Variants in CHST9 observed in about 807,000 individuals in gnomAD.
The protein encoded by CHST9 is carbohydrate sulfotransferase 9.
Under a neutral mutation model 44.4 loss-of-function variants are expected in CHST9, and 41 were observed. That is an observed-to-expected ratio of 0.92 (90% CI 0.72 to 1.20). The LOEUF (loss-of-function observed/expected upper bound fraction) is 1.20. CHST9 is among the 50% of genes most tolerant of loss of function. The probability of loss-of-function intolerance (pLI) is 0.00; values close to 1 mark genes in which losing one functional copy is unlikely to be tolerated. For missense variants in CHST9, 504 were observed against 516.5 expected (o/e 0.98, Z 0.23); for synonymous variants, 171 against 178.4 (o/e 0.96, Z 0.33).
chr18:27,103,401 C>T (rs539612958), intron 2 of CHST9, among the ~76,000 whole-genome samples: 1 of 152,300 alleles, frequency 6.6e-6, no homozygotes, highest in African/African-American at 2.4e-5. Context: ...TTAGCCTCAT[C>T]CCTGGCCTCA....
intron 1 of CHST9, among the ~76,000 whole-genome samples, chr18:27,149,033 T>G (rs2058638332): frequency 7.6e-6 from 1 of 131,536 alleles, no homozygotes; most frequent in African/African-American, 2.7e-5. Flanking sequence ...TTTTCATGTG[T>G]TTTTTGGCTG....
intron 2 of CHST9, among the ~76,000 whole-genome samples, chr18:27,059,620 C>G (rs924364546): frequency 6.6e-6 from 1 of 152,116 alleles, no homozygotes; most frequent in Non-Finnish European, 1.5e-5. Context: ...CACAATCCTG[C>G]CTAGATTTTC....
chr18:26,971,102 C>G (rs2056536856), intron 4 of CHST9, among the ~76,000 whole-genome samples: 1 of 152,152 alleles, frequency 6.6e-6, no homozygotes, highest in Admixed American at 6.5e-5. Flanking sequence ...CACAGTGGAG[C>G]AGATGATTCT....
intron 1 of CHST9, among the ~76,000 whole-genome samples, chr18:27,168,759 C>A (rs1253740185): frequency 6.6e-6 from 1 of 151,842 alleles, no homozygotes; most frequent in African/African-American, 2.4e-5. Flanking sequence ...CAAACAAGAC[C>A]TATAATTCAC....
chr18:26,920,213 C>T (rs181696846), intron 5 of CHST9, among the ~76,000 whole-genome samples: 391 of 152,302 alleles, frequency 2.6e-3, no homozygotes, highest in South Asian at 7.1e-3. Flanking sequence ...ACTATTCCCA[C>T]CATCTTTCTG....
chr18:27,172,868 A>T (rs1380429367), intron 1 of CHST9, among the ~76,000 whole-genome samples: 1 of 152,024 alleles, frequency 6.6e-6, no homozygotes, highest in Non-Finnish European at 1.5e-5. Context: ...GTATGTTAAG[A>T]TATAAGAAGA....
intron 2 of CHST9, among the ~76,000 whole-genome samples, chr18:27,084,842 AT>A (rs1445260016): frequency 6.6e-6 from 1 of 151,954 alleles, no homozygotes; most frequent in Admixed American, 6.6e-5. Context: ...AGATACTAGT[AT>A]GCTGTATCTC....
chr18:27,045,185 C>T (rs1312440803), intron 3 of CHST9, among the ~76,000 whole-genome samples: 1 of 151,916 alleles, frequency 6.6e-6, no homozygotes, highest in Admixed American at 6.6e-5. Context: ...TTCTCTGGTC[C>T]ACTAGGGCTA....
At chr18:26,918,694 G>T (rs1263503151) in intron 5 of CHST9, among the ~76,000 whole-genome samples, 1 of 152,070 alleles carries the variant, frequency 6.6e-6, no homozygotes, top group African/African-American at 2.4e-5. Context: ...AGCAAATTAA[G>T]CAATAGAACA....
At chr18:27,182,952 C>T (rs1040591367) in intron 1 of CHST9, among the ~76,000 whole-genome samples, 2 of 152,162 alleles carry the variant, frequency 1.3e-5, no homozygotes. Flanking sequence ...GAAGATGTTA[C>T]ATTCTCCTGG....
chr18:26,917,892 A>T, intron 5 of CHST9, among the ~76,000 whole-genome samples: 1 of 151,410 alleles, frequency 6.6e-6, no homozygotes, highest in Non-Finnish European at 1.5e-5. Context: ...TTTTCCTGGG[A>T]AAATGTTTTA....
At chr18:27,008,119 ACTCCTC>A (rs1330200920) in intron 4 of CHST9, among the ~76,000 whole-genome samples, 1 of 152,026 alleles carries the variant, frequency 6.6e-6, no homozygotes, top group Non-Finnish European at 1.5e-5. Context: ...AGGTGGGTCC[ACTCCTC>A]CCTTGTAACA....
intron 2 of CHST9, among the ~76,000 whole-genome samples, chr18:27,097,429 C>T (rs2058127911): frequency 6.6e-6 from 1 of 151,946 alleles, no homozygotes; most frequent in Admixed American, 6.6e-5. Context: ...AAAAAACATC[C>T]AAATAGGAAA....
At chr18:27,006,176 C>T (rs950674365) in intron 4 of CHST9, among the ~76,000 whole-genome samples, 1 of 152,108 alleles carries the variant, frequency 6.6e-6, no homozygotes, top group Non-Finnish European at 1.5e-5. Flanking sequence ...CTGATGTAAT[C>T]AGAAAAATAG....
chr18:27,138,240 A>G (rs1332699408), intron 2 of CHST9, among the ~76,000 whole-genome samples: 1 of 152,206 alleles, frequency 6.6e-6, no homozygotes, highest in Non-Finnish European at 1.5e-5. Flanking sequence ...AAAGGATTAT[A>G]TCTGGCTCAC....
intron 2 of CHST9, among the ~76,000 whole-genome samples, chr18:27,140,952 A>C (rs919142210): frequency 3.3e-5 from 5 of 152,138 alleles, no homozygotes; most frequent in African/African-American, 1.2e-4. Flanking sequence ...CAAAGTTACT[A>C]TATAAATTAA....
At chr18:26,932,960 C>G (rs769897517) in intron 5 of CHST9, 1 of 153,804 alleles carries the variant, frequency 6.5e-6, no homozygotes, top group African/African-American at 2.4e-5. Flanking sequence ...TGTCATTCTG[C>G]TCTATTAATC....
intron 5 of CHST9, among the ~76,000 whole-genome samples, chr18:26,921,055 T>C (rs948046006): frequency 6.6e-6 from 1 of 152,184 alleles, no homozygotes; most frequent in Non-Finnish European, 1.5e-5. Flanking sequence ...TGGGGACTAC[T>C]GAACTAGAAT....
chr18:26,919,459 A>G (rs1415705549), intron 5 of CHST9, among the ~76,000 whole-genome samples: 1 of 152,182 alleles, frequency 6.6e-6, no homozygotes, highest in Non-Finnish European at 1.5e-5. Flanking sequence ...ACATGCATGG[A>G]AAGTACTTAG....
Sources: gnomAD v4.1 joint callset for allele counts (sites outside exome capture counted in the v4.1 genomes callset) on GRCh38, gnomAD v4.1.1 for gene constraint, MANE v1.5 for transcripts, NCBI Gene and HGNC (gene_info 2026-07-23, HGNC 2026-07-21) for gene names.